The following ZC3H7B variants were observed in gnomAD, a reference collection of about 807,000 sequenced individuals.
ZC3H7B encodes the protein zinc finger CCCH-type containing 7B, also known as zinc finger CCCH domain-containing protein 7B.
Under a neutral mutation model 116.0 loss-of-function variants are expected in ZC3H7B, and 35 were observed. The ratio of observed to expected loss-of-function variants is 0.30; its 90% CI spans 0.23 to 0.40. The LOEUF (loss-of-function observed/expected upper bound fraction) is 0.40. Among genes scored for constraint, ZC3H7B ranks in the 10% least tolerant of loss-of-function variants. The probability of loss-of-function intolerance (pLI) is 1.00; values close to 1 mark genes in which losing one functional copy is unlikely to be tolerated. For synonymous variants in ZC3H7B, 502 were observed against 545.6 expected (o/e 0.92, Z 1.11); for missense variants, 1,011 against 1,321.5 (o/e 0.77, Z 3.64).
chr22:41,349,373 G>T lies in ZC3H7B; in HGVS notation c.1948+72G>T. On this transcript the variant is annotated intron_variant, in intron 16 of 22. Coordinates refer to ENST00000352645, the MANE Select transcript of ZC3H7B (RefSeq NM_017590.6). The surrounding 1 kb of genome is among the most constrained non-coding windows in gnomAD (Gnocchi z 4.9). ...GGTAGGCGGCGCAGGTGAAGGGAGC[G>T]CAGGACTGACTGGGGTGACAGGCCA... The T allele has an allele frequency of 1.3e-6, 2 of 1,570,024 alleles. No individual in the cohort carries two copies. Among genetic ancestry groups the T allele is most frequent in the South Asian group, 1.2e-5 (1 of 85,738 alleles).
Position 41,356,424 on chromosome 22 carries a change from C to T in ZC3H7B, c.2465C>T (p.Ser822Phe). The change falls in exon 21 of 23, where the codon TCT becomes TTT. Residue 822 changes from serine (S) to phenylalanine (F), a missense_variant. Transcript: ENST00000352645. ...CCTGGAGAAGGGACCCCCATCAGTT[C>T]TCGGGAAGGGGAGAAGCAGATCCAG... ...GKPGEGTPIS[S>F]REGEKQIQMP... is the part of the protein sequence containing the mutation. The T allele has an allele frequency of 1.9e-6, 3 of 1,614,164 alleles. No individual in the cohort carries two copies. Among genetic ancestry groups the T allele is most frequent in the Non-Finnish European group, 2.5e-6 (3 of 1,180,030 alleles).
In ZC3H7B at chr22:41,357,260, G is replaced by A; in HGVS notation, c.2765G>A (p.Arg922Gln). The A allele has an allele frequency of 2.5e-6, 4 of 1,613,742 alleles. No homozygotes were observed. The highest frequency in any genetic ancestry group is 1.1e-5 in the South Asian group (1 of 91,084). The part of the protein sequence containing the change: ...GQEELNEWLD[R>Q]REVLKQKLAK... ...GAGGAGCTCAACGAGTGGCTGGACC[G>A]GCGCGAGGTGCTGAAGCAGAAGTTG... The change falls in exon 23 of 23, where the codon CGG (arginine) becomes CAG (glutamine). Residue 922 changes from arginine (R) to glutamine (Q), a missense_variant. By Grantham distance (43) the Arg-to-Gln change is conservative. This residue lies in a region of ZC3H7B where 406 missense variants were observed against 590.2 expected (regional missense o/e 0.69). Coordinates refer to ENST00000352645, the MANE Select transcript of ZC3H7B (RefSeq NM_017590.6). This position sits in a 1 kb window ranked among gnomAD's most constrained non-coding sequence, Gnocchi z 5.4.
chr22:41,320,345 AAAAG>A (rs2036238955), intron 1 of ZC3H7B, among the ~76,000 whole-genome samples: 1 of 152,020 alleles, frequency 6.6e-6, no homozygotes, highest in Non-Finnish European at 1.5e-5. Flanking sequence ...AAAAAAAAAA[AAAAG>A]AGTTTTCCCT....
chr22:41,359,265 A>G lies in ZC3H7B; in HGVS notation c.*1836A>G, dbSNP rs775392009. On this transcript the variant is annotated 3_prime_UTR_variant, in exon 23 of 23. Transcript: ENST00000352645. ...CCAGCCTTGTTTCTAGTGTGTATAT[A>G]TGTCGCCCCCGTGATGCATATATAC... The G allele has an allele frequency of 6.6e-6, 1 of 152,654 alleles. No homozygotes were observed. Among genetic ancestry groups the G allele is most frequent in the Admixed American group, 6.5e-5 (1 of 15,284 alleles). The allele number at this position is 152,654 out of a possible 1,614,324, so 9.5% of individuals were successfully genotyped here.
chr22:41,337,492 C>T (rs990434189), intron 7 of ZC3H7B, among the ~76,000 whole-genome samples: 1 of 152,252 alleles, frequency 6.6e-6, no homozygotes, highest in Non-Finnish European at 1.5e-5. Flanking sequence ...ACAGCCTGCT[C>T]AGGCCCAGCT....
At chr22:41,318,818 G>C (rs1483762547) in intron 1 of ZC3H7B, among the ~76,000 whole-genome samples, 1 of 152,092 alleles carries the variant, frequency 6.6e-6, no homozygotes, top group Non-Finnish European at 1.5e-5. Flanking sequence ...TGCCCACTCT[G>C]CTCCATCCTC....
chr22:41,341,230 T>C, intron 11 of ZC3H7B, 84 bp downstream of exon 11: 2 of 1,537,988 alleles, frequency 1.3e-6, no homozygotes, highest in Non-Finnish European at 1.8e-6. Context: ...GCCCTCTGCA[T>C]GGGGTAAGGC....
Position 41,357,195 on chromosome 22 carries a change from C to T in ZC3H7B, c.2700C>T (p.Ala900=). The T allele has an allele frequency of 6.2e-7, 1 of 1,613,404 alleles. No homozygotes were observed. The change falls in exon 23 of 23, where the codon GCC becomes GCT. Residue 900 remains alanine, a synonymous_variant. Transcript: ENST00000352645. This position sits in a 1 kb window ranked among gnomAD's most constrained non-coding sequence, Gnocchi z 5.4. ...RLCDRLQKGK[A]CPDGDKCRCA... is the part of the protein sequence containing the mutation. ...CCCACAGGCTCCAGAAGGGCAAAGCCTGCCCAGATGGGGACAAGTGCCGCT... is the reference window on the plus strand; with the variant it reads ...CCCACAGGCTCCAGAAGGGCAAAGCTTGCCCAGATGGGGACAAGTGCCGCT...
At chr22:41,326,765 T>C (rs2145916179) in intron 4 of ZC3H7B, among the ~76,000 whole-genome samples, 2 of 152,338 alleles carry the variant, frequency 1.3e-5, no homozygotes, top group Middle Eastern at 3.4e-3. Flanking sequence ...AGCGAACTCT[T>C]CTGGATAAAT....
rs1330486709 is a variant in ZC3H7B at position 41,340,060 on chromosome 22, A to G, written c.1061A>G (p.Tyr354Cys). The G allele has an allele frequency of 3.7e-6, 6 of 1,611,842 alleles. No individual in the cohort carries two copies. The highest frequency in any genetic ancestry group is 2.2e-5 in the East Asian group (1 of 44,842). ...CTGGACCCCCTGGACCTGCTGCCGT[A>G]CTCGGAGACCCGGCTGGATGCACTC... ...PTLDPLDLLP[Y>C]SETRLDALDS... Residue 354 changes from tyrosine (Y) to cysteine (C), a missense_variant, in exon 10 of 23, where the codon TAC (tyrosine) becomes TGC (cysteine). This residue lies in a region of ZC3H7B where 99 missense variants were observed against 89.5 expected (regional missense o/e 1.11). Transcript: ENST00000352645.
chr22:41,349,825 T>G lies in ZC3H7B; in HGVS notation c.1948+524T>G, dbSNP rs1189936617. On this transcript the variant is annotated intron_variant, in intron 16 of 22. Transcript: ENST00000352645. The surrounding 1 kb of genome is among the most constrained non-coding windows in gnomAD (Gnocchi z 4.9). ...GCCCTTACTTTCAGAGAACCTACAT[T>G]TATAAGTGGGGGCCAGACAGATAAT... is the stretch of plus-strand genomic sequence containing the variant. 6.6e-6 allele frequency among the ~76,000 whole-genome samples: 1 copy of G among 152,164 alleles called. No individual in the cohort carries two copies. The highest frequency in any genetic ancestry group is 2.4e-5 in the African/African-American group (1 of 41,430).
intron 2 of ZC3H7B, among the ~76,000 whole-genome samples, 169 bp downstream of exon 2, chr22:41,320,882 G>C (rs1160341991): frequency 6.6e-6 from 1 of 152,154 alleles, no homozygotes; most frequent in African/African-American, 2.4e-5. Context: ...GGCTGGTGTG[G>C]CTGTGCGTGA....
In ZC3H7B at chr22:41,337,065, G is replaced by A. The variant is rs186255117; in HGVS notation, c.583-1248G>A. On this transcript the variant is annotated intron_variant, in intron 7 of 22. Transcript: ENST00000352645. ...GCAGGAGAATCGCTTGAACCTGGGA[G>A]GCAGAGGTTTCGGTAAGCCAAGATC... 2.6e-5 allele frequency among the ~76,000 whole-genome samples: 4 copies of A among 152,258 alleles called. No individual in the cohort carries two copies. In the East Asian group the frequency reaches 5.8e-4, roughly 22 times the overall value.
chr22:41,336,801 A>G (rs1200270557), intron 7 of ZC3H7B: 1 of 151,996 alleles, frequency 6.6e-6, no homozygotes, highest in Non-Finnish European at 1.5e-5. Flanking sequence ...CTGAGATCAC[A>G]CCATTGCACT....
chr22:41,356,749 C>T lies in ZC3H7B; in HGVS notation c.2622C>T (p.Asp874=), dbSNP rs143415211. The T allele has an allele frequency of 1.2e-6, 2 of 1,613,650 alleles. No homozygotes were observed. Among genetic ancestry groups the T allele is most frequent in the Non-Finnish European group, 8.5e-7 (1 of 1,179,990 alleles). Residue 874 remains aspartate (D), a synonymous_variant, in exon 22 of 23, where the codon GAC becomes GAT. Transcript: ENST00000352645. ...EKHKEKVFTS[D]SDASGWAFRF... ...ACAAGGAGAAGGTCTTCACGTCCGA[C>T]AGTGACGCCAGCGGCTGGGCCTTCC...
Position 41,349,377 on chromosome 22 carries a change from G to A in ZC3H7B, c.1948+76G>A. ...GGCGGCGCAGGTGAAGGGAGCGCAG[G>A]ACTGACTGGGGTGACAGGCCAGGGC... On this transcript the variant is annotated intron_variant, in intron 16 of 22. Coordinates refer to ENST00000352645, the MANE Select transcript of ZC3H7B (RefSeq NM_017590.6). The surrounding 1 kb of genome is among the most constrained non-coding windows in gnomAD (Gnocchi z 4.9). The A allele has an allele frequency of 6.4e-7, 1 of 1,562,762 alleles. No homozygotes were observed. Among genetic ancestry groups the A allele is most frequent in the Non-Finnish European group, 8.7e-7 (1 of 1,152,380 alleles).
At chr22:41,345,578 T>G (rs6002342) in intron 13 of ZC3H7B, among the ~76,000 whole-genome samples, 103 of 151,912 alleles carry the variant, frequency 6.8e-4, no homozygotes, top group African/African-American at 2.3e-3. Context: ...AGAGCAAAAC[T>G]CCATCTCAAA....
intron 2 of ZC3H7B, among the ~76,000 whole-genome samples, chr22:41,324,245 C>G (rs576521004): frequency 4.6e-5 from 7 of 152,206 alleles, no homozygotes; most frequent in African/African-American, 1.2e-4. Flanking sequence ...GGGGCCCAGA[C>G]AGTGGGGAGG....
chr22:41,334,057 C>G lies in ZC3H7B; in HGVS notation c.582+1830C>G, dbSNP rs143976355. 595 of 152,398 alleles carry G rather than the reference C, an allele frequency of 3.9e-3. 1 individual carries two copies. The highest frequency in any genetic ancestry group is 6.6e-3 in the Non-Finnish European group (451 of 68,108). The allele number at this position is 152,398 out of a possible 1,614,324, so 9.4% of individuals were successfully genotyped here. On this transcript the variant is annotated intron_variant, in intron 7 of 22. Coordinates refer to ENST00000352645, the MANE Select transcript of ZC3H7B (RefSeq NM_017590.6). ...GAGGAGCTCAGAGTGTGGGAGGAAC[C>G]AACACCAAGGCAGAGCTGGGGGTCC...
Sources: allele counts gnomAD v4.1 joint callset (sites outside exome capture counted in the v4.1 genomes callset), GRCh38; gene constraint gnomAD v4.1.1; regional missense constraint gnomAD v4.1.1; non-coding constraint Gnocchi (gnomAD v3.1); transcripts MANE v1.5; gene names NCBI Gene and HGNC (gene_info 2026-07-23, HGNC 2026-07-21).